Variants in GOLGA4 observed in about 807,000 individuals in gnomAD.
GOLGA4 encodes golgin A4, also known as golgin subfamily A member 4.
In GOLGA4, 169 loss-of-function variants were observed where a neutral mutation model predicts 265.9. That is an observed-to-expected ratio of 0.64 (90% CI 0.56 to 0.72). The LOEUF (loss-of-function observed/expected upper bound fraction) is 0.72. Among genes scored for constraint, GOLGA4 ranks in the 30% least tolerant of loss-of-function variants. The probability of loss-of-function intolerance (pLI) is 0.00; values close to 1 mark genes in which losing one functional copy is unlikely to be tolerated. For synonymous variants in GOLGA4, 923 were observed against 855.8 expected, an observed-to-expected ratio of 1.08 and a Z score of -1.37; for missense variants, 2,482 against 2,483.4, an observed-to-expected ratio of 1.00 and a Z score of 0.01.
At chr3:37,309,278 G>A (rs757424111) in intron 10 of GOLGA4, among the ~76,000 whole-genome samples, 1 of 149,846 alleles carries the variant, frequency 6.7e-6, no homozygotes, top group Non-Finnish European at 1.5e-5. Context: ...ATTATAGGCC[G>A]GGCGTGATGG....
In GOLGA4 at chr3:37,327,424, A is replaced by G. The variant is rs746876861; in HGVS notation, c.5538A>G (p.Glu1846=). 4 of 1,613,606 alleles carry G rather than the reference A, an allele frequency of 2.5e-6. No homozygotes were observed. In the South Asian group the frequency reaches 3.3e-5, roughly 13 times the overall value. The change falls in exon 14 of 24, where the codon GAA becomes GAG. Residue 1846 remains glutamate, a synonymous_variant. Transcript: ENST00000361924. ...TCCAGAAAACCCTCCAGGAGAAGGA[A>G]CTAACCTGTCAGATTTTGGAGCAAA... is the stretch of plus-strand genomic sequence containing the variant. ...DDVQKTLQEK[E]LTCQILEQKI...
At chr3:37,295,700 A>G (rs1025176767) in intron 6 of GOLGA4, among the ~76,000 whole-genome samples, 1 of 152,346 alleles carries the variant, frequency 6.6e-6, no homozygotes, top group African/African-American at 2.4e-5. Flanking sequence ...ATAAAGTACA[A>G]TAAGCCATCC....
chr3:37,295,038 A>T lies in GOLGA4; in HGVS notation c.642A>T (p.Leu214Phe), dbSNP rs745308692. ...TGCAAGAGGAGTTTGATGCATCTTT[A>T]GAGGAGAAAGATCAGTATATCAGTG... ...KHLQEEFDAS[L>F]EEKDQYISVL... Residue 214 changes from leucine (L) to phenylalanine (F), a missense_variant, in exon 6 of 24, where the codon TTA (leucine) becomes TTT (phenylalanine). This residue lies in a region of GOLGA4 where 1,536 missense variants were observed against 1,483.7 expected (regional missense o/e 1.04). Coordinates refer to ENST00000361924, the MANE Select transcript of GOLGA4 (RefSeq NM_002078.5). 1 of 1,608,300 alleles carries T rather than the reference A, an allele frequency of 6.2e-7. No homozygotes were observed. Among genetic ancestry groups the T allele is most frequent in the East Asian group, 2.2e-5 (1 of 44,786 alleles).
chr3:37,275,593 G>A, intron 2 of GOLGA4: 1 of 1,368,238 alleles, frequency 7.3e-7, no homozygotes, highest in African/African-American at 1.4e-5. Context: ...GGTGGTGGGG[G>A]TTGCTGCGCG....
intron 1 of GOLGA4, 152 bp from the exon 2 acceptor site, chr3:37,251,243 T>G: frequency 1.8e-6 from 1 of 566,166 alleles, no homozygotes; most frequent in East Asian, 2.9e-5. Context: ...TCTAGTTGAT[T>G]ATATTTGTTA....
At chr3:37,363,896 G>C (rs1696537805) in intron 23 of GOLGA4, among the ~76,000 whole-genome samples, 1 of 152,112 alleles carries the variant, frequency 6.6e-6, no homozygotes, top group Non-Finnish European at 1.5e-5. Context: ...ATGCAGCATT[G>C]TTGAACTGAT....
chr3:37,345,533 T>C (rs2097053499), intron 20 of GOLGA4, among the ~76,000 whole-genome samples: 1 of 152,168 alleles, frequency 6.6e-6, no homozygotes, highest in South Asian at 2.1e-4. Flanking sequence ...AGTAGACAAT[T>C]TGGAAAGCCT....
intron 22 of GOLGA4, among the ~76,000 whole-genome samples, chr3:37,358,586 A>G (rs1276123339): frequency 6.6e-6 from 1 of 152,192 alleles, no homozygotes; most frequent in African/African-American, 2.4e-5. Context: ...AGACTAACAT[A>G]ATCTTGTTAG....
chr3:37,365,424 G>T (rs1417924668), intron 23 of GOLGA4, among the ~76,000 whole-genome samples: 2 of 152,028 alleles, frequency 1.3e-5, no homozygotes, highest in Non-Finnish European at 2.9e-5. Context: ...CACCACCACG[G>T]CCGGCTAATT....
intron 5 of GOLGA4, among the ~76,000 whole-genome samples, chr3:37,290,034 T>C (rs536976083): frequency 6.6e-6 from 1 of 152,216 alleles, no homozygotes; most frequent in Non-Finnish European, 1.5e-5. Context: ...TTGAGAAGTT[T>C]GAAATAGGTA....
At chr3:37,262,419 A>G (rs920847993) in intron 2 of GOLGA4, among the ~76,000 whole-genome samples, 14 of 152,044 alleles carry the variant, frequency 9.2e-5, no homozygotes, top group Non-Finnish European at 2.1e-4. Context: ...ATGAGGCAGG[A>G]GAATTAGTTG....
chr3:37,303,518 G>C lies in GOLGA4; in HGVS notation c.1234+1186G>C, dbSNP rs924256897. ...AATTAGAATAGGAAATCTAAATGGG[G>C]AAGTTGAGAATTGGAGTGAAATGAT... On this transcript the variant is annotated intron_variant, in intron 10 of 23. Coordinates refer to ENST00000361924, the MANE Select transcript of GOLGA4 (RefSeq NM_002078.5). Among the ~76,000 whole-genome samples the C allele has an allele frequency of 5.9e-5, 9 of 152,320 alleles. No homozygotes were observed. In the East Asian group the frequency reaches 7.7e-4, roughly 13 times the overall value.
Position 37,302,274 on chromosome 3 carries a change from ACAGATGACTACC to A in GOLGA4, c.1180_1191del (p.Met394_Gln397del). 3 of 1,613,330 alleles carry A rather than the reference ACAGATGACTACC, an allele frequency of 1.9e-6. No individual in the cohort carries two copies. The highest frequency in any genetic ancestry group is 2.5e-6 in the Non-Finnish European group (3 of 1,179,262). On this transcript the variant is annotated inframe_deletion, in exon 10 of 24. Transcript: ENST00000361924. ...TTGCTCAACTCCGTAGTCGCATCAA[ACAGATGACTACC>A]CAGGGAGAGGAATTACGGGAACAGA...
At chr3:37,338,588 A>G (rs982558854) in intron 19 of GOLGA4, among the ~76,000 whole-genome samples, 1 of 152,238 alleles carries the variant, frequency 6.6e-6, no homozygotes, top group African/African-American at 2.4e-5. Flanking sequence ...GTGGGAATAT[A>G]CACATTAAAA....
chr3:37,309,243 C>T lies in GOLGA4; in HGVS notation c.1235-6177C>T, dbSNP rs866614661. 4.8e-5 allele frequency among the ~76,000 whole-genome samples: 7 copies of T among 144,348 alleles called. No homozygotes were observed. In the South Asian group the frequency reaches 6.6e-4, roughly 14 times the overall value. 94.7% of individuals were successfully genotyped at this position (144,348 alleles called of 152,430 possible). A position where few individuals can be genotyped will look rare whatever the true frequency, so the allele number is the denominator to read the frequency against. Reference sequence around the variant, plus strand: ...CTCCAGCCTGGGCGACAGAGCGAGACTCTGTTTCAAAAATAAAAATAACAA... The same window carrying T: ...CTCCAGCCTGGGCGACAGAGCGAGATTCTGTTTCAAAAATAAAAATAACAA... On this transcript the variant is annotated intron_variant, in intron 10 of 23. Transcript: ENST00000361924.
At chr3:37,291,968 C>T (rs984349998) in intron 5 of GOLGA4, among the ~76,000 whole-genome samples, 16 of 151,918 alleles carry the variant, frequency 1.1e-4, no homozygotes, top group African/African-American at 3.1e-4. Flanking sequence ...TAACACAACA[C>T]GAATAATTAT....
chr3:37,288,481 G>GT (rs1171164274), intron 4 of GOLGA4, among the ~76,000 whole-genome samples: 5,951 of 136,256 alleles, frequency 0.044, 149 homozygotes, highest in African/African-American at 0.064. Context: ...TTTCTGGATG[G>GT]TTTTTTTTTT....
chr3:37,346,119 C>G (rs1321340931), intron 20 of GOLGA4, among the ~76,000 whole-genome samples: 1 of 151,988 alleles, frequency 6.6e-6, no homozygotes. Context: ...CTTAAGAACT[C>G]TATACTTGCA....
intron 1 of GOLGA4, among the ~76,000 whole-genome samples, chr3:37,244,789 T>C (rs1418508950): frequency 2.0e-5 from 3 of 152,248 alleles, no homozygotes; most frequent in Admixed American, 2.0e-4. Flanking sequence ...TTGCTTCTTT[T>C]CTCAAGTGCA....
Sources: gnomAD v4.1 joint callset for allele counts (sites outside exome capture counted in the v4.1 genomes callset) on GRCh38, gnomAD v4.1.1 for gene constraint, gnomAD v4.1.1 regional missense constraint, MANE v1.5 for transcripts, NCBI Gene and HGNC (gene_info 2026-07-23, HGNC 2026-07-21) for gene names.